Variants in CDH18 observed in about 807,000 individuals in gnomAD.
CDH18 encodes cadherin-18.
CDH18 carries 31 observed loss-of-function variants against 67.9 expected under a neutral mutation model. The observed-to-expected ratio is 0.46, with a 90% CI of 0.34 to 0.62. CDH18 has a LOEUF of 0.62. Among genes scored for constraint, CDH18 ranks in the 20% least tolerant of loss-of-function variants. CDH18 has a pLI of 0.01. For synonymous variants in CDH18, 362 were observed against 347.2 expected (o/e 1.04, Z -0.48); for missense variants, 890 against 975.5 (o/e 0.91, Z 1.17).
chr5:19,663,410 T>C (rs1189564132), intron 5 of CDH18, among the ~76,000 whole-genome samples: 2 of 151,992 alleles, frequency 1.3e-5, no homozygotes, highest in African/African-American at 4.8e-5. Context: ...TCTTCTTAAA[T>C]ATATGGAAAT....
At chr5:19,593,294 G>T (rs982139460) in intron 6 of CDH18, among the ~76,000 whole-genome samples, 5 of 151,902 alleles carry the variant, frequency 3.3e-5, no homozygotes. Context: ...AGTTTGCAAG[G>T]GTTCAAATGT....
intron 7 of CDH18, among the ~76,000 whole-genome samples, chr5:19,590,800 A>G (rs1414050351): frequency 6.6e-6 from 1 of 152,176 alleles, no homozygotes; most frequent in African/African-American, 2.4e-5. Flanking sequence ...ATTAGAGCAG[A>G]GACAAAATGA....
chr5:19,983,588 A>C (rs1467190175), intron 1 of CDH18, among the ~76,000 whole-genome samples: 1 of 152,148 alleles, frequency 6.6e-6, no homozygotes, highest in East Asian at 1.9e-4. Flanking sequence ...CCTACCAAGA[A>C]ATTTCTAAAT....
intron 1 of CDH18, among the ~76,000 whole-genome samples, chr5:20,409,419 A>G (rs1746577575): frequency 6.6e-6 from 1 of 151,780 alleles, no homozygotes; most frequent in Non-Finnish European, 1.5e-5. Context: ...TTGAACAACC[A>G]GGAGGTCAAA....
intron 5 of CDH18, among the ~76,000 whole-genome samples, chr5:19,694,077 C>T (rs1410085871): frequency 6.6e-6 from 1 of 152,048 alleles, no homozygotes; most frequent in African/African-American, 2.4e-5. Context: ...CACGTATATA[C>T]ACAAAAAACA....
intron 2 of CDH18, among the ~76,000 whole-genome samples, chr5:20,239,000 G>A (rs1232137655): frequency 6.6e-6 from 1 of 152,002 alleles, no homozygotes; most frequent in Admixed American, 6.6e-5. Context: ...ATTAAACTGT[G>A]GTATACTTGG....
intron 1 of CDH18, among the ~76,000 whole-genome samples, chr5:20,271,519 G>A (rs971267017): frequency 3.3e-5 from 5 of 151,838 alleles, no homozygotes; most frequent in African/African-American, 1.2e-4. Flanking sequence ...TATATGTATC[G>A]AAACATCACA....
At chr5:20,296,673 A>T (rs1442177314) in intron 1 of CDH18, among the ~76,000 whole-genome samples, 1 of 151,984 alleles carries the variant, frequency 6.6e-6, no homozygotes, top group Non-Finnish European at 1.5e-5. Context: ...AGTAAACTAC[A>T]GTTTATAATA....
intron 1 of CDH18, among the ~76,000 whole-genome samples, chr5:19,987,849 C>G (rs1442571945): frequency 6.6e-6 from 1 of 152,158 alleles, no homozygotes; most frequent in Non-Finnish European, 1.5e-5. Context: ...GATTCTGAGA[C>G]TCGCATTCGA....
chr5:20,436,983 C>A (rs566365223), intron 1 of CDH18, among the ~76,000 whole-genome samples: 2 of 151,420 alleles, frequency 1.3e-5, no homozygotes, highest in East Asian at 3.9e-4. Context: ...AGCCTAAATA[C>A]AGAATGACAA....
At position 20,521,168 on chromosome 5, in the gene CDH18, T is replaced by C. The variant is rs1413882220; in HGVS notation, c.-580+54294A>G. 2.0e-5 allele frequency among the ~76,000 whole-genome samples: 3 copies of C among 151,876 alleles called. No individual in the cohort carries two copies. In the East Asian group the frequency reaches 5.8e-4, roughly 29 times the overall value. On this transcript the variant is annotated intron_variant, in intron 1 of 14. Transcript: ENST00000507958. ...ATGCCAATGATTGCCTGAAGCTGAGTTGGGAGGTGTGAGGTGTCAATCAAT... is the reference window on the plus strand; with the variant it reads ...ATGCCAATGATTGCCTGAAGCTGAGCTGGGAGGTGTGAGGTGTCAATCAAT...
intron 2 of CDH18, among the ~76,000 whole-genome samples, chr5:20,025,233 A>G (rs947609260): frequency 1.3e-5 from 2 of 152,282 alleles, no homozygotes; most frequent in Non-Finnish European, 1.5e-5. Context: ...ATCTTAGTAC[A>G]CTGTAAGTAT....
At chr5:19,542,586 T>G (rs1750445725) in intron 9 of CDH18, among the ~76,000 whole-genome samples, 1 of 152,132 alleles carries the variant, frequency 6.6e-6, no homozygotes, top group African/African-American at 2.4e-5. Flanking sequence ...AATAAAAAAA[T>G]GAAGTACCAA....
intron 1 of CDH18, among the ~76,000 whole-genome samples, chr5:20,537,208 T>C (rs184175334): frequency 2.0e-5 from 3 of 152,322 alleles, no homozygotes; most frequent in Admixed American, 6.5e-5. Context: ...CTGTTTATCT[T>C]CTATCCTAGA....
At position 19,735,049 on chromosome 5, in the gene CDH18, C is replaced by A. The variant is rs74679768; in HGVS notation, c.523+11893G>T. On this transcript the variant is annotated intron_variant, in intron 4 of 12. Coordinates refer to ENST00000382275, the MANE Select transcript of CDH18 (RefSeq NM_004934.5). ...CAAATGCTGCTGAGTCACTACCCTC[C>A]ATAACACAGGTGAGTGTTTGCAAAG... Among the ~76,000 whole-genome samples the A allele has an allele frequency of 2.8e-4, 42 of 152,238 alleles. No individual in the cohort carries two copies. In the East Asian group the frequency reaches 7.7e-3, roughly 28 times the overall value.
intron 2 of CDH18, among the ~76,000 whole-genome samples, chr5:20,034,311 C>T (rs116427270): frequency 3.4e-4 from 52 of 152,056 alleles, no homozygotes; most frequent in African/African-American, 1.3e-3. Flanking sequence ...TTTTCACACC[C>T]CCTGTTTATT....
chr5:20,417,060 T>A (rs1446684033), intron 1 of CDH18, among the ~76,000 whole-genome samples: 3 of 152,168 alleles, frequency 2.0e-5, no homozygotes, highest in Non-Finnish European at 2.9e-5. Context: ...AGTGTATGGA[T>A]AACAACCATT....
intron 2 of CDH18, among the ~76,000 whole-genome samples, chr5:20,205,106 C>A (rs1337929490): frequency 1.3e-5 from 2 of 151,850 alleles, no homozygotes; most frequent in Non-Finnish European, 2.9e-5. Context: ...AGTTAAAACA[C>A]ATAGAGTGGC....
At chr5:20,338,421 C>T (rs1175163133) in intron 1 of CDH18, among the ~76,000 whole-genome samples, 1 of 152,198 alleles carries the variant, frequency 6.6e-6, no homozygotes, top group Non-Finnish European at 1.5e-5. Context: ...TGGGGAGCTT[C>T]ATCAACCCTC....
Sources: gnomAD v4.1 joint callset for allele counts (sites outside exome capture counted in the v4.1 genomes callset) on GRCh38, gnomAD v4.1.1 for gene constraint, MANE v1.5 for transcripts, NCBI Gene and HGNC (gene_info 2026-07-23, HGNC 2026-07-21) for gene names.